Variants in C1QTNF3 observed in about 807,000 individuals in gnomAD.
C1QTNF3 encodes the protein complement C1q tumor necrosis factor-related protein 3.
Under a neutral mutation model 32.6 loss-of-function variants are expected in C1QTNF3, and 26 were observed. The ratio of observed to expected loss-of-function variants is 0.80; its 90% CI spans 0.58 to 1.11. C1QTNF3 has a LOEUF of 1.11. C1QTNF3 is among the 50% of genes least tolerant of loss of function. The pLI, the probability that C1QTNF3 is intolerant of heterozygous loss-of-function variation, is 0.00. For missense variants in C1QTNF3, 362 were observed against 398.2 expected (o/e 0.91, Z 0.77); for synonymous variants, 155 against 146.0 (o/e 1.06, Z -0.44).
the C1QTNF3 span, among the ~76,000 whole-genome samples, chr5:34,072,194 C>T: frequency 1.2e-3 from 183 of 151,090 alleles, no homozygotes; most frequent in African/African-American, 4.1e-3. Flanking sequence ...CCCTTTGTTG[C>T]CCAAGCTGGT....
chr5:34,236,356 A>AC, the C1QTNF3 span, among the ~76,000 whole-genome samples: 5 of 150,674 alleles, frequency 3.3e-5, no homozygotes, highest in Non-Finnish European at 7.4e-5. Flanking sequence ...ACATCACTGC[A>AC]CTCCAGCCTG....
the C1QTNF3 span, among the ~76,000 whole-genome samples, chr5:34,068,512 AAT>A: frequency 6.6e-6 from 1 of 151,992 alleles, no homozygotes; most frequent in Non-Finnish European, 1.5e-5. Context: ...AGAGCCCTCA[AAT>A]ATATATACGT....
At chr5:34,204,391 C>T in the C1QTNF3 span, among the ~76,000 whole-genome samples, 1 of 152,056 alleles carries the variant, frequency 6.6e-6, no homozygotes, top group Non-Finnish European at 1.5e-5. Context: ...GCATATATGC[C>T]CTATAGAATA....
At chr5:34,039,846 T>G (rs1257401183) in intron 1 of C1QTNF3, among the ~76,000 whole-genome samples, 1 of 152,184 alleles carries the variant, frequency 6.6e-6, no homozygotes, top group African/African-American at 2.4e-5. Context: ...AGAATTCAGC[T>G]CCAGGAGATG....
At chr5:34,158,288 G>A in the C1QTNF3 span, 4 of 151,948 alleles carry the variant, frequency 2.6e-5, no homozygotes, top group Middle Eastern at 3.4e-3. Context: ...TGTTTTCTTA[G>A]TAGAGTCGGG....
the C1QTNF3 span, among the ~76,000 whole-genome samples, chr5:34,065,620 T>C: frequency 1.3e-5 from 2 of 150,832 alleles, no homozygotes; most frequent in Non-Finnish European, 3.0e-5. Context: ...TTACCCGAAA[T>C]CAAACCATTG....
chr5:34,088,837 T>C, the C1QTNF3 span, among the ~76,000 whole-genome samples: 1 of 152,154 alleles, frequency 6.6e-6, no homozygotes, highest in Non-Finnish European at 1.5e-5. Context: ...TTACCTTTTC[T>C]TCATATACTA....
At chr5:34,056,042 T>C in the C1QTNF3 span, among the ~76,000 whole-genome samples, 1 of 152,146 alleles carries the variant, frequency 6.6e-6, no homozygotes, top group East Asian at 1.9e-4. Flanking sequence ...TTCAGAAACC[T>C]CCCTTCTCCA....
the C1QTNF3 span, among the ~76,000 whole-genome samples, chr5:34,063,549 T>TG: frequency 6.6e-6 from 1 of 150,994 alleles, no homozygotes; most frequent in African/African-American, 2.4e-5. Flanking sequence ...GGGTAGAAAC[T>TG]GGGGGAGGAG....
chr5:34,070,244 G>T, the C1QTNF3 span, among the ~76,000 whole-genome samples: 1 of 151,902 alleles, frequency 6.6e-6, no homozygotes, highest in Non-Finnish European at 1.5e-5. Flanking sequence ...CTAATTTTCC[G>T]GCCACTTCTG....
At chr5:34,073,638 TA>T in the C1QTNF3 span, among the ~76,000 whole-genome samples, 11 of 152,346 alleles carry the variant, frequency 7.2e-5, no homozygotes, top group Admixed American at 2.0e-4. Context: ...TTCTTTCGTA[TA>T]ATATTGTTGG....
chr5:34,087,790 C>T, the C1QTNF3 span, among the ~76,000 whole-genome samples: 1 of 152,170 alleles, frequency 6.6e-6, no homozygotes, highest in Non-Finnish European at 1.5e-5. Context: ...TCTCATTTTG[C>T]CCAAGTTGGT....
chr5:34,107,784 C>T, the C1QTNF3 span, among the ~76,000 whole-genome samples: 2 of 152,076 alleles, frequency 1.3e-5, no homozygotes, highest in South Asian at 4.1e-4. Flanking sequence ...TCAATTTCCT[C>T]CCAATAAATG....
the C1QTNF3 span, among the ~76,000 whole-genome samples, chr5:34,130,774 A>C: frequency 6.6e-6 from 1 of 152,238 alleles, no homozygotes; most frequent in Non-Finnish European, 1.5e-5. Flanking sequence ...ATATCAACAG[A>C]GGTACCCAAA....
chr5:34,135,258 C>G, the C1QTNF3 span, among the ~76,000 whole-genome samples: 94,141 of 152,014 alleles, frequency 0.62, 29,411 homozygotes, highest in Middle Eastern at 0.65. Context: ...TGCATCCCAG[C>G]GATGAAGCCG....
At chr5:34,133,152 C>T in the C1QTNF3 span, among the ~76,000 whole-genome samples, 5 of 152,276 alleles carry the variant, frequency 3.3e-5, no homozygotes, top group Admixed American at 2.6e-4. Context: ...TTCTCTCTAT[C>T]CTTTGCATAT....
chr5:34,042,769 A>G, intron 1 of C1QTNF3, 54 bp downstream of exon 1: 2 of 1,509,290 alleles, frequency 1.3e-6, no homozygotes, highest in Non-Finnish European at 1.8e-6. Context: ...CAAAACAACA[A>G]CAACAACACT....
chr5:34,168,881 T>G, the C1QTNF3 span: 1 of 152,186 alleles, frequency 6.6e-6, no homozygotes, highest in Admixed American at 6.6e-5. Flanking sequence ...TCAAAATTCA[T>G]GTGTTGGAAA....
At chr5:34,068,355 C>A in the C1QTNF3 span, among the ~76,000 whole-genome samples, 6 of 151,916 alleles carry the variant, frequency 3.9e-5, no homozygotes, top group Non-Finnish European at 8.8e-5. Context: ...ATTCTACAGC[C>A]TGAAAAACTA....
Sources: allele counts gnomAD v4.1 joint callset (sites outside exome capture counted in the v4.1 genomes callset), GRCh38; gene constraint gnomAD v4.1.1; transcripts MANE v1.5; gene names NCBI Gene and HGNC (gene_info 2026-07-23, HGNC 2026-07-21).